PRKG1: variants seen among roughly 807,000 people sequenced by gnomAD.
The protein encoded by PRKG1 is cGMP-dependent protein kinase 1.
In PRKG1, 35 loss-of-function variants were observed where a neutral mutation model predicts 88.1. That is an observed-to-expected ratio of 0.40 (90% CI 0.30 to 0.53). The LOEUF is 0.53. PRKG1 is among the 20% of genes least tolerant of loss of function. The pLI is 0.59. For missense variants in PRKG1, 540 were observed against 839.8 expected (o/e 0.64, Z 4.41); for synonymous variants, 303 against 292.5 (o/e 1.04, Z -0.37).
chr10:51,386,293 AG>A (rs550485071), intron 2 of PRKG1, among the ~76,000 whole-genome samples: 11 of 152,160 alleles, frequency 7.2e-5, no homozygotes, highest in Admixed American at 3.9e-4. Flanking sequence ...TGTATTACTC[AG>A]GGTTCTTTAA....
intron 2 of PRKG1, among the ~76,000 whole-genome samples, chr10:51,276,302 T>G (rs1439408254): frequency 6.6e-6 from 1 of 152,222 alleles, no homozygotes; most frequent in African/African-American, 2.4e-5. Flanking sequence ...ACTCATCCTT[T>G]TTTATGGCTG....
rs191686100 is a variant in PRKG1 at position 51,450,451 on chromosome 10, G to A, written c.479-17272G>A. 1.6e-3 allele frequency among the ~76,000 whole-genome samples: 246 copies of A among 151,964 alleles called. 1 individual carries two copies. In the Middle Eastern group the frequency reaches 0.024, roughly 15 times the overall value. On this transcript the variant is annotated intron_variant, in intron 2 of 17. Transcript: ENST00000373980. ...CTCTAAGGTAAGAGGCAAACCGTAC[G>A]GCCAGGGAGCCAATTAAAGTTAGCT...
intron 2 of PRKG1, among the ~76,000 whole-genome samples, chr10:51,240,617 G>A (rs916170879): frequency 2.6e-5 from 4 of 152,236 alleles, no homozygotes; most frequent in African/African-American, 9.6e-5. Flanking sequence ...CAAATGTTTT[G>A]TATTTATGTA....
intron 5 of PRKG1, among the ~76,000 whole-genome samples, chr10:51,937,277 C>T (rs976058086): frequency 6.6e-6 from 1 of 151,818 alleles, no homozygotes; most frequent in Admixed American, 6.6e-5. Flanking sequence ...TATTCTATGC[C>T]GCTATGAGCT....
chr10:51,864,713 A>G (rs2132843454), intron 4 of PRKG1, among the ~76,000 whole-genome samples: 1 of 152,314 alleles, frequency 6.6e-6, no homozygotes, highest in South Asian at 2.1e-4. Context: ...TATTTCTAGC[A>G]ACAATATGTT....
At chr10:51,392,832 A>G (rs578101191) in intron 2 of PRKG1, among the ~76,000 whole-genome samples, 1,384 of 131,552 alleles carry the variant, frequency 0.011, 22 homozygotes, top group African/African-American at 0.036. Flanking sequence ...CCTCCCTCCC[A>G]GACAGGGCGG....
At chr10:51,832,684 C>T (rs933533021) in intron 4 of PRKG1, among the ~76,000 whole-genome samples, 5 of 151,982 alleles carry the variant, frequency 3.3e-5, no homozygotes, top group African/African-American at 1.2e-4. Flanking sequence ...TGCTTGAGAA[C>T]ATCACAAAAT....
chr10:51,779,453 T>A (rs1838529130), intron 3 of PRKG1, among the ~76,000 whole-genome samples: 1 of 152,158 alleles, frequency 6.6e-6, no homozygotes, highest in South Asian at 2.1e-4. Flanking sequence ...TAAGTGTGAA[T>A]GATTGAGTCA....
chr10:51,856,782 G>A (rs988217047), intron 4 of PRKG1, among the ~76,000 whole-genome samples: 2 of 151,514 alleles, frequency 1.3e-5, no homozygotes, highest in African/African-American at 2.4e-5. Flanking sequence ...TGGCTAACAC[G>A]GTGAAACCCC....
At chr10:51,381,207 A>T (rs1837085702) in intron 2 of PRKG1, among the ~76,000 whole-genome samples, 1 of 135,100 alleles carries the variant, frequency 7.4e-6, no homozygotes, top group South Asian at 2.5e-4. Context: ...CAGTGAGCCA[A>T]GATCATGCCA....
intron 5 of PRKG1, among the ~76,000 whole-genome samples, chr10:52,002,852 T>C (rs1232288797): frequency 6.6e-6 from 1 of 152,196 alleles, no homozygotes; most frequent in Admixed American, 6.5e-5. Context: ...TGGAGGCATT[T>C]TTCAGTGTAC....
rs76633613 is a variant in PRKG1 at position 51,012,844 on chromosome 10, A to G, written c.266+21200A>G. Among the ~76,000 whole-genome samples, 1,369 of 152,370 alleles carry G rather than the reference A, an allele frequency of 9.0e-3. 23 individuals are homozygous for G. The highest frequency in any genetic ancestry group is 0.031 in the African/African-American group (1,277 of 41,588). The stretch of plus-strand genomic sequence containing the variant: ...AGAGGGAAGAGTCTATTTAAATGGT[A>G]TGGTTGGAGATAAACTCTTTTCTCA... On this transcript the variant is annotated intron_variant, in intron 1 of 17. Transcript: ENST00000401604.
intron 3 of PRKG1, among the ~76,000 whole-genome samples, chr10:51,693,972 A>G: frequency 6.6e-6 from 1 of 152,316 alleles, no homozygotes; most frequent in Middle Eastern, 3.4e-3. Flanking sequence ...ATCATGTAAT[A>G]TCCCTATTAA....
intron 7 of PRKG1, among the ~76,000 whole-genome samples, chr10:52,115,300 A>G (rs1475007805): frequency 6.6e-6 from 1 of 152,094 alleles, no homozygotes; most frequent in Non-Finnish European, 1.5e-5. Flanking sequence ...ACAATGTGTT[A>G]AAACAATTTG....
intron 3 of PRKG1, among the ~76,000 whole-genome samples, chr10:51,605,046 G>A (rs909852087): frequency 7.2e-5 from 11 of 152,192 alleles, no homozygotes; most frequent in African/African-American, 2.7e-4. Flanking sequence ...GCCAGAAGAG[G>A]GGATGGAATG....
At chr10:51,252,209 T>C (rs1385285226) in intron 2 of PRKG1, among the ~76,000 whole-genome samples, 5 of 151,822 alleles carry the variant, frequency 3.3e-5, no homozygotes, top group African/African-American at 1.2e-4. Flanking sequence ...CTGAGTGCTC[T>C]ATTGTATAGT....
intron 2 of PRKG1, among the ~76,000 whole-genome samples, chr10:51,426,505 A>C (rs1269365834): frequency 2.0e-5 from 3 of 152,216 alleles, no homozygotes; most frequent in Non-Finnish European, 2.9e-5. Context: ...ATGGTGATAG[A>C]CATGTAGACA....
At chr10:52,169,858 C>T (rs992807737) in intron 9 of PRKG1, among the ~76,000 whole-genome samples, 3 of 152,096 alleles carry the variant, frequency 2.0e-5, no homozygotes, top group Non-Finnish European at 4.4e-5. Context: ...CATGTTAAAT[C>T]TAGTAGAGAA....
chr10:52,128,140 C>T (rs1327223644), intron 7 of PRKG1: 45 of 985,212 alleles, frequency 4.6e-5, no homozygotes, highest in East Asian at 3.4e-4. Flanking sequence ...CATTAAACTG[C>T]TGCACATGAC....
Sources: gnomAD v4.1 joint callset for allele counts (sites outside exome capture counted in the v4.1 genomes callset) on GRCh38, gnomAD v4.1.1 for gene constraint, MANE v1.5 for transcripts, NCBI Gene and HGNC (gene_info 2026-07-23, HGNC 2026-07-21) for gene names.